Variants in PIP5K1B observed in about 807,000 individuals in gnomAD.
PIP5K1B encodes the protein phosphatidylinositol 4-phosphate 5-kinase type-1 beta.
PIP5K1B carries 42 observed loss-of-function variants against 67.0 expected under a neutral mutation model. The observed-to-expected ratio is 0.63, with a 90% CI of 0.49 to 0.81. PIP5K1B has a LOEUF of 0.81. Among genes scored for constraint, PIP5K1B ranks in the 30% least tolerant of loss-of-function variants. The pLI is 0.00. For missense variants in PIP5K1B, 459 were observed against 646.3 expected (o/e 0.71, Z 3.14); for synonymous variants, 214 against 231.4 (o/e 0.92, Z 0.68).
chr9:68,781,463 A>G (rs923975495), intron 2 of PIP5K1B: 5 of 176,182 alleles, frequency 2.8e-5, no homozygotes, highest in Admixed American at 6.0e-5. Flanking sequence ...GTGGTTGCCG[A>G]TTTCCATTTG....
At chr9:68,967,045 T>A (rs1829077297) in intron 14 of PIP5K1B, among the ~76,000 whole-genome samples, 1 of 152,238 alleles carries the variant, frequency 6.6e-6, no homozygotes. Flanking sequence ...TAAGGTTGAA[T>A]ATGTACAATT....
At chr9:69,005,537 C>T (rs1246013034) in intron 15 of PIP5K1B, among the ~76,000 whole-genome samples, 7 of 152,130 alleles carry the variant, frequency 4.6e-5, no homozygotes, top group Admixed American at 1.3e-4. Context: ...CCACCACACG[C>T]GGCTAATTTT....
intron 8 of PIP5K1B, among the ~76,000 whole-genome samples, chr9:68,909,463 A>G (rs1825758590): frequency 6.6e-6 from 1 of 152,062 alleles, no homozygotes; most frequent in Non-Finnish European, 1.5e-5. Context: ...AATAATTCTT[A>G]CTAATCATCA....
intron 2 of PIP5K1B, among the ~76,000 whole-genome samples, chr9:68,802,704 A>G (rs1832665563): frequency 6.6e-6 from 1 of 152,206 alleles, no homozygotes; most frequent in South Asian, 2.1e-4. Context: ...GGGATGTGCC[A>G]GGCATTGAAG....
At chr9:68,730,619 T>A (rs1376575354) in intron 1 of PIP5K1B, among the ~76,000 whole-genome samples, 1 of 152,198 alleles carries the variant, frequency 6.6e-6, no homozygotes, top group African/African-American at 2.4e-5. Flanking sequence ...CTTTGAGTAA[T>A]GTCATATACA....
chr9:68,780,806 A>G (rs1452952300), intron 2 of PIP5K1B: 4 of 1,614,088 alleles, frequency 2.5e-6, no homozygotes, highest in African/African-American at 1.3e-5. Flanking sequence ...AATATCAGCC[A>G]AAGAGATTTT....
intron 15 of PIP5K1B, among the ~76,000 whole-genome samples, chr9:68,996,664 G>T (rs1830612924): frequency 6.6e-6 from 1 of 152,180 alleles, no homozygotes; most frequent in African/African-American, 2.4e-5. Context: ...CGTTTCTAAG[G>T]CGGCTTCTTT....
At chr9:68,899,271 T>C (rs572548589) in intron 8 of PIP5K1B, among the ~76,000 whole-genome samples, 2 of 152,286 alleles carry the variant, frequency 1.3e-5, no homozygotes, top group Admixed American at 1.3e-4. Flanking sequence ...GCTGTTGTGG[T>C]TCCCCATGCA....
At chr9:68,967,016 C>T (rs1829075697) in intron 14 of PIP5K1B, among the ~76,000 whole-genome samples, 3 of 152,240 alleles carry the variant, frequency 2.0e-5, no homozygotes, top group Middle Eastern at 3.4e-3. Flanking sequence ...TTTCACCTGC[C>T]ATAGAATCCC....
intron 14 of PIP5K1B, among the ~76,000 whole-genome samples, chr9:68,961,172 T>C (rs1828719312): frequency 6.7e-6 from 1 of 148,704 alleles, no homozygotes; most frequent in Non-Finnish European, 1.5e-5. Context: ...ATTGCGCCAC[T>C]GCAGTCCGCA....
intron 14 of PIP5K1B, among the ~76,000 whole-genome samples, chr9:68,942,374 G>A (rs1827604068): frequency 6.6e-6 from 1 of 152,166 alleles, no homozygotes; most frequent in Non-Finnish European, 1.5e-5. Flanking sequence ...AATTATTGGG[G>A]CATATAATCG....
At chr9:68,862,042 A>G (rs1823112029) in intron 4 of PIP5K1B, among the ~76,000 whole-genome samples, 1 of 152,154 alleles carries the variant, frequency 6.6e-6, no homozygotes, top group Non-Finnish European at 1.5e-5. Context: ...CTTAAGTGTC[A>G]AGGATGTAGA....
chr9:68,873,301 T>C (rs1471121345), intron 5 of PIP5K1B, among the ~76,000 whole-genome samples: 5 of 106,218 alleles, frequency 4.7e-5, no homozygotes, highest in African/African-American at 1.9e-4. Context: ...TTTTTTTTTT[T>C]GTCTGAGACA....
intron 7 of PIP5K1B, among the ~76,000 whole-genome samples, chr9:68,891,908 GTAAA>G (rs980948858): frequency 9.1e-4 from 138 of 152,246 alleles, no homozygotes; most frequent in African/African-American, 3.2e-3. Flanking sequence ...AGAAAAATAA[GTAAA>G]TAAAGTCATG....
intron 11 of PIP5K1B, among the ~76,000 whole-genome samples, chr9:68,920,551 A>G (rs1391499009): frequency 6.6e-6 from 1 of 151,764 alleles, no homozygotes; most frequent in African/African-American, 2.4e-5. Flanking sequence ...TACTTTTAGT[A>G]GAGACAGGAT....
intron 1 of PIP5K1B, among the ~76,000 whole-genome samples, chr9:68,719,415 C>T (rs1398389466): frequency 6.6e-6 from 1 of 152,128 alleles, no homozygotes; most frequent in Admixed American, 6.5e-5. Context: ...CATTGGAAAA[C>T]AAGTTCAATA....
Position 68,894,608 on chromosome 9 carries a change from G to C in PIP5K1B, c.741G>C (p.Ala247=). Residue 247 remains alanine (A), a synonymous_variant, in exon 8 of 16, where the codon GCG becomes GCC. Coordinates refer to ENST00000265382, the MANE Select transcript of PIP5K1B (RefSeq NM_003558.4). ...GLYFDTETYN[A]LMKTLQRDCR... ...ATTTTGATACGGAAACATACAACGCGCTTATGAAAACACTTCAGAGAGACT... is the reference window on the plus strand; with the variant it reads ...ATTTTGATACGGAAACATACAACGCCCTTATGAAAACACTTCAGAGAGACT... 1 of 1,614,064 alleles carries C rather than the reference G, an allele frequency of 6.2e-7. No homozygotes were observed. The highest frequency in any genetic ancestry group is 1.3e-5 in the African/African-American group (1 of 75,054).
At chr9:68,740,829 T>G (rs1828969451) in intron 1 of PIP5K1B, among the ~76,000 whole-genome samples, 2 of 152,188 alleles carry the variant, frequency 1.3e-5, no homozygotes, top group South Asian at 4.1e-4. Flanking sequence ...ACCATAAATG[T>G]CACAAGATCT....
chr9:68,739,429 T>C (rs1411825641), intron 1 of PIP5K1B, among the ~76,000 whole-genome samples: 1 of 152,232 alleles, frequency 6.6e-6, no homozygotes, highest in East Asian at 1.9e-4. Context: ...GTATAGTTCT[T>C]GATCCATTTT....
Sources: gnomAD v4.1 joint callset for allele counts (sites outside exome capture counted in the v4.1 genomes callset) on GRCh38, gnomAD v4.1.1 for gene constraint, MANE v1.5 for transcripts, NCBI Gene and HGNC (gene_info 2026-07-23, HGNC 2026-07-21) for gene names.